Variants in FHIT observed in about 807,000 individuals in gnomAD.
The protein encoded by FHIT is bis(5'-adenosyl)-triphosphatase.
In FHIT, 19 loss-of-function variants were observed where a neutral mutation model predicts 17.9. The ratio of observed to expected loss-of-function variants is 1.06; its 90% CI spans 0.74 to 1.56. The LOEUF is 1.56. Among genes scored for constraint, FHIT ranks in the 40% most tolerant of loss-of-function variants. The probability of loss-of-function intolerance (pLI) is 0.00; values close to 1 mark genes in which losing one functional copy is unlikely to be tolerated. For synonymous variants in FHIT, 81 were observed against 69.7 expected, an observed-to-expected ratio of 1.16 and a Z score of -0.81; for missense variants, 248 against 189.2, an observed-to-expected ratio of 1.31 and a Z score of -1.82.
chr3:61,147,328 C>CA (rs758451762), intron 2 of FHIT, among the ~76,000 whole-genome samples: 1 of 152,010 alleles, frequency 6.6e-6, no homozygotes, highest in Non-Finnish European at 1.5e-5. Flanking sequence ...ATACATTAGG[C>CA]AACTCACACT....
intron 4 of FHIT, among the ~76,000 whole-genome samples, chr3:60,756,258 A>G (rs1027545011): frequency 5.9e-5 from 9 of 152,118 alleles, no homozygotes; most frequent in Non-Finnish European, 1.0e-4. Flanking sequence ...AGATAAACTC[A>G]TTTGGTTTTT....
intron 4 of FHIT, among the ~76,000 whole-genome samples, chr3:60,644,056 C>T (rs2039793008): frequency 6.6e-6 from 1 of 152,162 alleles, no homozygotes; most frequent in Non-Finnish European, 1.5e-5. Flanking sequence ...TAGAGCTTGG[C>T]AAAGGGAAAT....
chr3:60,909,368 C>T (rs1227130481), intron 3 of FHIT, among the ~76,000 whole-genome samples: 2 of 68,084 alleles, frequency 2.9e-5, no homozygotes, highest in South Asian at 4.3e-4. Flanking sequence ...GACTCTGTCT[C>T]GAAAAAAAAA....
intron 4 of FHIT, among the ~76,000 whole-genome samples, chr3:60,736,150 G>T (rs542082272): frequency 6.6e-6 from 1 of 152,306 alleles, no homozygotes; most frequent in Admixed American, 6.5e-5. Context: ...AATAACAAGT[G>T]TTTTCTAGGC....
At chr3:60,247,621 C>T (rs1043847954) in intron 5 of FHIT, among the ~76,000 whole-genome samples, 4 of 152,168 alleles carry the variant, frequency 2.6e-5, no homozygotes, top group African/African-American at 7.2e-5. Flanking sequence ...CAGCCTCTGG[C>T]TCTCAACTTA....
chr3:59,761,016 G>T (rs966439065), intron 8 of FHIT, among the ~76,000 whole-genome samples: 1 of 152,140 alleles, frequency 6.6e-6, no homozygotes, highest in Non-Finnish European at 1.5e-5. Context: ...GACAGCTGAA[G>T]AACAGGAGCC....
chr3:61,065,665 T>C lies in FHIT; in HGVS notation c.-163-23566A>G, dbSNP rs80134258. Among the ~76,000 whole-genome samples the C allele has an allele frequency of 7.7e-3, 1,158 of 151,168 alleles. 18 individuals carry two copies. Among genetic ancestry groups the C allele is most frequent in the African/African-American group, 0.027 (1,099 of 41,130 alleles). ...AACTTAATTTCAACTTGACAATAAATCAAACTCTCCATGTAGCCATTAGTT... is the reference window on the plus strand; with the variant it reads ...AACTTAATTTCAACTTGACAATAAACCAAACTCTCCATGTAGCCATTAGTT... On this transcript the variant is annotated intron_variant, in intron 2 of 9. Coordinates refer to ENST00000492590, the MANE Select transcript of FHIT (RefSeq NM_002012.4).
At chr3:60,558,720 C>G (rs1018651186) in intron 4 of FHIT, among the ~76,000 whole-genome samples, 4 of 152,194 alleles carry the variant, frequency 2.6e-5, no homozygotes, top group Non-Finnish European at 4.4e-5. Context: ...TCCTCCTGCA[C>G]TGTAGGCAGA....
chr3:59,851,267 T>C (rs1427176728), intron 8 of FHIT, among the ~76,000 whole-genome samples: 1 of 152,200 alleles, frequency 6.6e-6, no homozygotes, highest in African/African-American at 2.4e-5. Context: ...CTAGAACTTT[T>C]ATGGCTCATT....
chr3:60,065,668 T>C (rs147305439), intron 5 of FHIT, among the ~76,000 whole-genome samples: 164 of 152,298 alleles, frequency 1.1e-3, no homozygotes, highest in African/African-American at 3.7e-3. Context: ...ATTGAGTTTT[T>C]ATTTTGCACT....
At chr3:60,231,386 G>A (rs184754659) in intron 5 of FHIT, among the ~76,000 whole-genome samples, 106 of 152,072 alleles carry the variant, frequency 7.0e-4, no homozygotes, top group African/African-American at 2.5e-3. Flanking sequence ...TGTAACCAAC[G>A]CCCAGATCCA....
At chr3:61,078,001 T>C (rs1159438969) in intron 2 of FHIT, among the ~76,000 whole-genome samples, 1 of 152,124 alleles carries the variant, frequency 6.6e-6, no homozygotes, top group Non-Finnish European at 1.5e-5. Context: ...AAGGTCCAGA[T>C]GTATTTCTTT....
chr3:60,914,898 T>C (rs1414520119), intron 3 of FHIT, among the ~76,000 whole-genome samples: 2 of 152,252 alleles, frequency 1.3e-5, no homozygotes, highest in Non-Finnish European at 2.9e-5. Context: ...CTTTTGGTAT[T>C]GTTAAGTAGC....
chr3:61,210,229 T>A (rs937076267), intron 1 of FHIT, among the ~76,000 whole-genome samples: 6 of 152,208 alleles, frequency 3.9e-5, no homozygotes, highest in African/African-American at 1.4e-4. Flanking sequence ...GCGGGGTACC[T>A]CCCAGTTAGG....
intron 7 of FHIT, among the ~76,000 whole-genome samples, chr3:59,942,206 C>T (rs1005087980): frequency 6.6e-6 from 1 of 152,214 alleles, no homozygotes; most frequent in Admixed American, 6.5e-5. Context: ...GCTCTCTGGA[C>T]TGCAGCCCCT....
intron 4 of FHIT, among the ~76,000 whole-genome samples, chr3:60,606,205 G>T (rs368635407): frequency 4.5e-4 from 68 of 151,284 alleles, no homozygotes; most frequent in African/African-American, 1.3e-3. Context: ...CACTTGTTCA[G>T]TTTTGGTTCC....
chr3:60,717,418 C>T (rs185479465), intron 4 of FHIT, among the ~76,000 whole-genome samples: 41 of 151,974 alleles, frequency 2.7e-4, no homozygotes, highest in African/African-American at 8.9e-4. Context: ...CACTTTTTAC[C>T]CTGTAAATAT....
intron 3 of FHIT, among the ~76,000 whole-genome samples, chr3:60,928,309 A>G (rs2107351203): frequency 6.6e-6 from 1 of 150,896 alleles, no homozygotes; most frequent in African/African-American, 2.4e-5. Context: ...ATCAACAAAT[A>G]CTAAAAAAAT....
At chr3:60,185,226 G>A (rs79866233) in intron 5 of FHIT, among the ~76,000 whole-genome samples, 3,526 of 152,092 alleles carry the variant, frequency 0.023, 44 homozygotes, top group Non-Finnish European at 0.035. Context: ...CATTTACAGC[G>A]TCAAATTGAA....
Sources: gnomAD v4.1 joint callset for allele counts (sites outside exome capture counted in the v4.1 genomes callset) on GRCh38, gnomAD v4.1.1 for gene constraint, MANE v1.5 for transcripts, NCBI Gene and HGNC (gene_info 2026-07-23, HGNC 2026-07-21) for gene names.